The following CYP2A6 variants were observed in gnomAD, a reference collection of about 807,000 sequenced individuals.
CYP2A6 encodes the protein cytochrome P450 2A6.
A neutral mutation model predicts 42.3 loss-of-function variants in CYP2A6; 27 were observed. The observed-to-expected ratio is 0.64, with a 90% CI of 0.47 to 0.88. The LOEUF is 0.88. CYP2A6 is among the 40% of genes least tolerant of loss of function. CYP2A6 has a pLI of 0.00. For missense variants in CYP2A6, 628 were observed against 646.0 expected, an observed-to-expected ratio of 0.97 and a Z score of 0.30; for synonymous variants, 238 against 246.3, an observed-to-expected ratio of 0.97 and a Z score of 0.31.
Position 40,850,241 on chromosome 19 carries a change from G to A in CYP2A6, c.180+6C>T. 6.2e-7 allele frequency: 1 copy of A among 1,605,692 alleles called. No individual in the cohort carries two copies. Reference sequence around the variant, plus strand: ...CCGTGCCACCCATCTCCCTGCCTTGGGACACCTTCATGAGGGAGTTGTACA... The same window carrying A: ...CCGTGCCACCCATCTCCCTGCCTTGAGACACCTTCATGAGGGAGTTGTACA... On this transcript the variant is annotated splice_donor_region_variant and intron_variant, in intron 1 of 8. Coordinates refer to ENST00000301141, the MANE Select transcript of CYP2A6 (RefSeq NM_000762.6).
chr19:40,850,157 C>G (rs1967194607), intron 1 of CYP2A6, 90 bp downstream of exon 1: 34 of 1,543,256 alleles, frequency 2.2e-5, no homozygotes, highest in Non-Finnish European at 2.7e-5. Context: ...TCCTAAGACT[C>G]TGGTCCACAC....
rs1967175106 is a variant in CYP2A6, at chr19:40,849,111, A to T, written c.344-348T>A. On this transcript the variant is annotated intron_variant, in intron 2 of 8. Coordinates refer to ENST00000301141, the MANE Select transcript of CYP2A6 (RefSeq NM_000762.6). ...GAGACCAGGTTTAAAGAATAAGACA[A>T]TCAGAAAAGAAACAGAAAGGCCAGA... Among the ~76,000 whole-genome samples the T allele has an allele frequency of 1.4e-5, 2 of 143,832 alleles. 1 individual carries two copies. Among genetic ancestry groups the T allele is most frequent in the African/African-American group, 5.2e-5 (2 of 38,370 alleles). The allele number at this position is 143,832 out of a possible 152,430, so 94.4% of individuals were successfully genotyped here.
At position 40,846,017 on chromosome 19, in the gene CYP2A6, C is replaced by T; in HGVS notation, c.912G>A (p.Glu304=). 1 of 1,611,572 alleles carries T rather than the reference C, an allele frequency of 6.2e-7. No homozygotes were observed. The change falls in exon 6 of 9, where the codon GAG becomes GAA. Residue 304 remains glutamate, a synonymous_variant. Coordinates refer to ENST00000301141, the MANE Select transcript of CYP2A6 (RefSeq NM_000762.6). The part of the protein sequence containing the change: ...TTLNLFIGGT[E]TVSTTLRYGF... Reference sequence around the variant, plus strand: ...CATAGCGCAGGGTGGTGCTGACGGTCTCGGTGCCCCCAATGAAGAGGTTCA... The same window carrying T: ...CATAGCGCAGGGTGGTGCTGACGGTTTCGGTGCCCCCAATGAAGAGGTTCA...
At position 40,844,578 on chromosome 19, in the gene CYP2A6, G is replaced by T. The variant is rs914741536; in HGVS notation, c.1303+53C>A. The T allele has an allele frequency of 2.5e-6, 4 of 1,610,388 alleles. No individual in the cohort carries two copies. The Admixed American group carries it at 5.0e-5, about 20-fold the overall frequency. ...ACCGCAGAGAGGGGAGGAGGGTGAGGGAGGCCCCTGCTGGTGTGAGCCGTG... is the reference window on the plus strand; with the variant it reads ...ACCGCAGAGAGGGGAGGAGGGTGAGTGAGGCCCCTGCTGGTGTGAGCCGTG... On this transcript the variant is annotated intron_variant, in intron 8 of 8. Transcript: ENST00000301141.
intron 2 of CYP2A6, among the ~76,000 whole-genome samples, chr19:40,849,378 G>A (rs1232470694): frequency 1.3e-5 from 2 of 151,414 alleles, no homozygotes; most frequent in Non-Finnish European, 2.9e-5. Flanking sequence ...ACCAGGAGAT[G>A]GAGGCTGAAG....
chr19:40,844,812 G>C lies in CYP2A6; in HGVS notation c.1162-40C>G, dbSNP rs555413545. 11 of 1,583,632 alleles carry C rather than the reference G, an allele frequency of 6.9e-6. No homozygotes were observed. The South Asian group carries it at 1.0e-4, about 15-fold the overall frequency. ...GAAGTTGTGTGTGATGAGGAGGGTC[G>C]GGGGATTGGTGAAAGTACACAGGGG... is the stretch of plus-strand genomic sequence containing the variant. On this transcript the variant is annotated intron_variant, in intron 7 of 8. Transcript: ENST00000301141.
Position 40,850,303 on chromosome 19 carries a change from A to T in CYP2A6, c.124T>A (p.Phe42Ile). Residue 42 changes from phenylalanine (F) to isoleucine (I), a missense_variant, in exon 1 of 9, where the codon TTC becomes ATC. Physicochemically the swap from Phe to Ile is conservative, Grantham distance 21. This residue lies in a region of CYP2A6 where 606 missense variants were observed against 568.1 expected (regional missense o/e 1.07). Transcript: ENST00000301141. ...TTCAGCTGCAGGTAGTTTCCAATGA[A>T]GGGCAATGGGGTGGGTCCCGGAGGC... Reference protein sequence around the residue: ...KLPPGPTPLPFIGNYLQLNTE... With the variant: ...KLPPGPTPLPIIGNYLQLNTE... 6.2e-7 allele frequency: 1 copy of T among 1,610,098 alleles called. No homozygotes were observed.
chr19:40,846,234 C>T lies in CYP2A6; in HGVS notation c.832-137G>A, dbSNP rs570054380. The T allele has an allele frequency of 2.0e-3, 2,580 of 1,276,484 alleles. 53 individuals carry two copies. The South Asian group carries it at 0.028, about 14-fold the overall frequency. 79.1% of individuals were successfully genotyped at this position (1,276,484 alleles called of 1,614,324 possible). A position where few individuals can be genotyped will look rare whatever the true frequency, so the allele number is the denominator to read the frequency against. On this transcript the variant is annotated intron_variant, in intron 5 of 8. Coordinates refer to ENST00000301141, the MANE Select transcript of CYP2A6 (RefSeq NM_000762.6). ...GGACCCTAGATCTACCAGACTCGCT[C>T]TAGGTTCCAGCCCTTGCCCTGGCTG...
chr19:40,847,313 A>G (rs1222738876), intron 4 of CYP2A6, among the ~76,000 whole-genome samples: 1 of 151,554 alleles, frequency 6.6e-6, no homozygotes, highest in Non-Finnish European at 1.5e-5. Flanking sequence ...GCTGGATTGG[A>G]GCACACATCT....
chr19:40,845,277 G>T lies in CYP2A6; in HGVS notation c.1161+17C>A. 1 of 1,611,382 alleles carries T rather than the reference G, an allele frequency of 6.2e-7. No homozygotes were observed. Among genetic ancestry groups the T allele is most frequent in the Non-Finnish European group, 8.5e-7 (1 of 1,179,778 alleles). The stretch of plus-strand genomic sequence containing the variant: ...GCTGGAAGTCCCCGTAGTCTGGGGG[G>T]TGGGGGCGGATAGCACCTTAGGGAG... On this transcript the variant is annotated intron_variant, in intron 7 of 8. Transcript: ENST00000301141.
intron 8 of CYP2A6, 37 bp from the exon 9 acceptor site, chr19:40,844,014 C>T (rs758594158): frequency 6.4e-7 from 1 of 1,557,818 alleles, no homozygotes. Context: ...AGGTGAAGCC[C>T]ACTCTCAGTG....
chr19:40,846,083 G>T lies in CYP2A6; in HGVS notation c.846C>A (p.Pro282=). ...LIRMQEEEKN[P]NTEFYLKNLV... ...GGTTTTTCAAGTAGAACTCCGTGTT[G>T]GGGTTCTTCTCCTCCTGCAGGGAGA... The change falls in exon 6 of 9, where the codon CCC becomes CCA. Residue 282 remains proline (P), a synonymous_variant. Coordinates refer to ENST00000301141, the MANE Select transcript of CYP2A6 (RefSeq NM_000762.6). The T allele has an allele frequency of 6.2e-7, 1 of 1,611,566 alleles. No individual in the cohort carries two copies. Among genetic ancestry groups the T allele is most frequent in the Non-Finnish European group, 8.5e-7 (1 of 1,179,862 alleles).
rs560382680 is a variant in CYP2A6, at chr19:40,846,897, G to A, written c.809C>T (p.Ser270Phe). The A allele has an allele frequency of 1.4e-5, 22 of 1,612,114 alleles. No individual in the cohort carries two copies. The South Asian group carries it at 2.0e-4, about 15-fold the overall frequency. Residue 270 changes from serine (S) to phenylalanine (F), a missense_variant, in exon 5 of 9, where the codon TCC becomes TTC. This residue lies in a region of CYP2A6 where 606 missense variants were observed against 568.1 expected (regional missense o/e 1.07). Coordinates refer to ENST00000301141, the MANE Select transcript of CYP2A6 (RefSeq NM_000762.6). Reference protein sequence around the residue: ...DPNSPRDFIDSFLIRMQEEEK... With the variant: ...DPNSPRDFIDFFLIRMQEEEK... ...TACCTCCTGCATGCGGATGAGAAAG[G>A]AGTCAATGAAGTCCCGTGGGGAATT...
In CYP2A6 at chr19:40,848,280, A is replaced by C. The variant is rs775387934; in HGVS notation, c.593T>G (p.Phe198Cys). ...TAGCATCATGCGCAACAGTGACAGG[A>C]ACTCTTTGTCCTTATAGTCAAAGCG... Reference protein sequence around the residue: ...GDRFDYKDKEFLSLLRMMLGI... With the variant: ...GDRFDYKDKECLSLLRMMLGI... Residue 198 changes from phenylalanine (F) to cysteine (C), a missense_variant, in exon 4 of 9, where the codon TTC (phenylalanine) becomes TGC (cysteine). By Grantham distance (205) the Phe-to-Cys change is radical. This residue lies in a region of CYP2A6 where 606 missense variants were observed against 568.1 expected (regional missense o/e 1.07). Transcript: ENST00000301141. 4.3e-6 allele frequency: 7 copies of C among 1,611,730 alleles called. No individual in the cohort carries two copies. In the African/African-American group the frequency reaches 6.7e-5, roughly 15 times the overall value.
rs566118912 is a variant in CYP2A6, at chr19:40,845,831, C to G, written c.973+125G>C. The G allele has an allele frequency of 7.4e-4, 1,053 of 1,426,690 alleles. 7 individuals are homozygous for G. The highest frequency in any genetic ancestry group is 9.2e-4 in the Non-Finnish European group (970 of 1,058,662). The allele number at this position is 1,426,690 out of a possible 1,614,324, so 88.4% of individuals were successfully genotyped here. A position where few individuals can be genotyped will look rare whatever the true frequency, so the allele number is the denominator to read the frequency against. On this transcript the variant is annotated intron_variant, in intron 6 of 8. Coordinates refer to ENST00000301141, the MANE Select transcript of CYP2A6 (RefSeq NM_000762.6). ...CTGATGCCTACCAGCTGAATGTTGCCCTGTCTCTGGACAGCAAGTCACGTC... is the reference window on the plus strand; with the variant it reads ...CTGATGCCTACCAGCTGAATGTTGCGCTGTCTCTGGACAGCAAGTCACGTC...
At chr19:40,849,103 A>C (rs114114578) in intron 2 of CYP2A6, among the ~76,000 whole-genome samples, 3,488 of 139,852 alleles carry the variant, frequency 0.025, 217 homozygotes, top group African/African-American at 0.091. Flanking sequence ...GGTTTAAAGA[A>C]TAAGACAATC....
intron 2 of CYP2A6, among the ~76,000 whole-genome samples, chr19:40,849,002 G>GAGAGA (rs1967162254): frequency 5.5e-5 from 6 of 108,700 alleles, no homozygotes; most frequent in Non-Finnish European, 1.1e-4. Flanking sequence ...GAGAGAGAGA[G>GAGAGA]AGAGAGAGAA....
In CYP2A6 at chr19:40,844,668, C is replaced by T. The variant is rs1452917800; in HGVS notation, c.1266G>A (p.Gln422=). 5 of 1,611,730 alleles carry T rather than the reference C, an allele frequency of 3.1e-6. 1 individual carries two copies. The South Asian group carries it at 5.5e-5, about 18-fold the overall frequency. ...NPQHFLNEKG[Q]FKKSDAFVPF... ...GCACAAAAGCATCACTCTTCTTAAA[C>T]TGCCCCTTCTCATTCAGGAAGTGCT... The change falls in exon 8 of 9, where the codon CAG becomes CAA. Residue 422 remains glutamine, a synonymous_variant. Coordinates refer to ENST00000301141, the MANE Select transcript of CYP2A6 (RefSeq NM_000762.6).
Position 40,848,518 on chromosome 19 carries a change from C to T in CYP2A6, c.493+96G>A, listed in dbSNP as rs966137912. ...CAGGGCTGGAAGTGCGGGCGCCTTT[C>T]CCCACCTAGTCCCCATCCCCAGGCA... is the stretch of plus-strand genomic sequence containing the variant. On this transcript the variant is annotated intron_variant, in intron 3 of 8. Transcript: ENST00000301141. The T allele has an allele frequency of 4.8e-5, 76 of 1,580,042 alleles. No homozygotes were observed. In the Admixed American group the frequency reaches 1.3e-3, roughly 27 times the overall value.
Sources: allele counts gnomAD v4.1 joint callset (sites outside exome capture counted in the v4.1 genomes callset), GRCh38; gene constraint gnomAD v4.1.1; regional missense constraint gnomAD v4.1.1; transcripts MANE v1.5; gene names NCBI Gene and HGNC (gene_info 2026-07-23, HGNC 2026-07-21).